The following TLN2 variants were observed in gnomAD, a reference collection of about 807,000 sequenced individuals.
TLN2 encodes the protein talin-2.
A neutral mutation model predicts 294.7 loss-of-function variants in TLN2; 118 were observed. The ratio of observed to expected loss-of-function variants is 0.40; its 90% CI spans 0.34 to 0.47. The LOEUF is 0.47. Among genes scored for constraint, TLN2 ranks in the 20% least tolerant of loss-of-function variants. The pLI is 0.84. For missense variants in TLN2, 3,083 were observed against 3,282.2 expected (o/e 0.94, Z 1.48); for synonymous variants, 1,431 against 1,304.5 (o/e 1.10, Z -2.09).
chr15:62,428,902 G>A (rs1001432312), intron 1 of TLN2, among the ~76,000 whole-genome samples: 1 of 152,174 alleles, frequency 6.6e-6, no homozygotes, highest in East Asian at 1.9e-4. Context: ...TGATCTTCAA[G>A]AATCACCTGG....
At chr15:62,447,264 G>A (rs1066677) in intron 1 of TLN2, among the ~76,000 whole-genome samples, 95,555 of 151,812 alleles carry the variant, frequency 0.63, 31,225 homozygotes, top group East Asian at 0.99. Flanking sequence ...GGAGTTTAAG[G>A]TGAGAGAGGT....
chr15:62,541,256 C>T (rs544631774), intron 1 of TLN2, among the ~76,000 whole-genome samples: 2 of 152,204 alleles, frequency 1.3e-5, no homozygotes, highest in African/African-American at 2.4e-5. Flanking sequence ...ATAATAGCGT[C>T]ATGGATTTTC....
In TLN2 at chr15:62,674,512, T is replaced by TA. The variant is rs1031714276; in HGVS notation, c.852+622_852+623insA. Among the ~76,000 whole-genome samples the TA allele has an allele frequency of 0.011, 29 of 2,680 alleles. No homozygotes were observed. The East Asian group carries it at 0.16, about 15-fold the overall frequency. 1.8% of individuals were successfully genotyped at this position (2,680 alleles called of 152,430 possible). A position where few individuals can be genotyped will look rare whatever the true frequency, so the allele number is the denominator to read the frequency against. ...TTACCCTATTCTATGGAAAACGATA[T>TA]TTTTTTTTTTTTTGAGACAGAGCCA... On this transcript the variant is annotated intron_variant, in intron 10 of 58. Coordinates refer to ENST00000636159, the MANE Select transcript of TLN2 (RefSeq NM_015059.3).
intron 1 of TLN2, among the ~76,000 whole-genome samples, chr15:62,414,473 T>A (rs1595751909): frequency 7.2e-6 from 1 of 139,794 alleles, no homozygotes; most frequent in African/African-American, 2.5e-5. Flanking sequence ...CAGTATCACC[T>A]GGGAACTTAC....
intron 27 of TLN2, among the ~76,000 whole-genome samples, chr15:62,725,484 G>A (rs1340083369): frequency 6.6e-6 from 1 of 152,160 alleles, no homozygotes; most frequent in Non-Finnish European, 1.5e-5. Flanking sequence ...GTCCATACAG[G>A]AAAGCCATAC....
chr15:62,464,429 C>T (rs910503875), intron 1 of TLN2, among the ~76,000 whole-genome samples: 6 of 151,806 alleles, frequency 4.0e-5, no homozygotes, highest in African/African-American at 1.5e-4. Flanking sequence ...GTTGTGGGAT[C>T]GGGGGAGTGG....
chr15:62,541,562 C>G (rs2041688220), intron 1 of TLN2, among the ~76,000 whole-genome samples: 1 of 152,104 alleles, frequency 6.6e-6, no homozygotes, highest in African/African-American at 2.4e-5. Context: ...TACCTGGGGT[C>G]AGCCCCACTG....
At chr15:62,732,701 T>C (rs142354098) in intron 28 of TLN2, among the ~76,000 whole-genome samples, 1 of 152,252 alleles carries the variant, frequency 6.6e-6, no homozygotes, top group African/African-American at 2.4e-5. Flanking sequence ...TGTCCTACAG[T>C]GGAGACGAAG....
chr15:62,705,249 A>G (rs772770233), intron 19 of TLN2, among the ~76,000 whole-genome samples: 1 of 152,224 alleles, frequency 6.6e-6, no homozygotes, highest in Non-Finnish European at 1.5e-5. Context: ...CTAGGTAAAG[A>G]CCAGGGCAGT....
At chr15:62,819,891 G>A (rs1381896447) in intron 53 of TLN2, among the ~76,000 whole-genome samples, 1 of 152,138 alleles carries the variant, frequency 6.6e-6, no homozygotes. Flanking sequence ...TTTCCTTGGA[G>A]TCTCCCCATT....
At chr15:62,621,887 T>A (rs2140860635) in intron 3 of TLN2, among the ~76,000 whole-genome samples, 1 of 152,294 alleles carries the variant, frequency 6.6e-6, no homozygotes, top group African/African-American at 2.4e-5. Context: ...CAAAGGGTCC[T>A]CCCAACACAG....
chr15:62,605,470 C>G (rs936460793), intron 2 of TLN2, among the ~76,000 whole-genome samples: 2 of 152,130 alleles, frequency 1.3e-5, no homozygotes, highest in Non-Finnish European at 2.9e-5. Context: ...GCAAGCGAAT[C>G]AGGAATCCTT....
At chr15:62,471,354 C>G (rs541696118) in intron 1 of TLN2, among the ~76,000 whole-genome samples, 1 of 152,308 alleles carries the variant, frequency 6.6e-6, no homozygotes, top group Admixed American at 6.5e-5. Context: ...CAAAACAAAA[C>G]ACAAAATTGT....
chr15:62,671,787 T>G (rs2055464618), intron 9 of TLN2, among the ~76,000 whole-genome samples: 1 of 152,250 alleles, frequency 6.6e-6, no homozygotes, highest in South Asian at 2.1e-4. Flanking sequence ...AAGTTATTTT[T>G]ATAGAATTTC....
At chr15:62,446,041 C>T (rs1223969816) in intron 1 of TLN2, among the ~76,000 whole-genome samples, 2 of 151,696 alleles carry the variant, frequency 1.3e-5, no homozygotes, top group African/African-American at 4.8e-5. Context: ...CAGAGTCTCA[C>T]TGTCGCCCGG....
At chr15:62,806,793 G>A (rs1015028525) in intron 51 of TLN2, among the ~76,000 whole-genome samples, 9 of 152,164 alleles carry the variant, frequency 5.9e-5, no homozygotes, top group Non-Finnish European at 5.9e-5. Context: ...TTGATGATCC[G>A]CTGCCATGGT....
At chr15:62,478,312 G>A (rs968519197) in intron 1 of TLN2, among the ~76,000 whole-genome samples, 4 of 152,132 alleles carry the variant, frequency 2.6e-5, no homozygotes, top group African/African-American at 9.7e-5. Flanking sequence ...AGCTAGTGGC[G>A]AGATGGGGTC....
chr15:62,642,467 C>T (rs991169164), intron 3 of TLN2, among the ~76,000 whole-genome samples: 2 of 152,262 alleles, frequency 1.3e-5, no homozygotes, highest in East Asian at 1.9e-4. Context: ...GAAGAGTAGA[C>T]GCCAGGACCA....
intron 52 of TLN2, among the ~76,000 whole-genome samples, chr15:62,819,166 T>C (rs868705): frequency 0.084 from 12,813 of 152,224 alleles, 759 homozygotes; most frequent in East Asian, 0.24. Flanking sequence ...AGCCAGAATG[T>C]TCTTACAGTT....
Sources: allele counts gnomAD v4.1 joint callset (sites outside exome capture counted in the v4.1 genomes callset), GRCh38; gene constraint gnomAD v4.1.1; transcripts MANE v1.5; gene names NCBI Gene and HGNC (gene_info 2026-07-23, HGNC 2026-07-21).